Variants in COG3 observed in about 807,000 individuals in gnomAD.
The protein encoded by COG3 is conserved oligomeric Golgi complex subunit 3.
In COG3, 32 loss-of-function variants were observed where a neutral mutation model predicts 114.1. The observed-to-expected ratio is 0.28, with a 90% CI of 0.21 to 0.38. The LOEUF is 0.38. Among genes scored for constraint, COG3 ranks in the 10% least tolerant of loss-of-function variants. The pLI is 1.00. For missense variants in COG3, 813 were observed against 973.2 expected, an observed-to-expected ratio of 0.84 and a Z score of 2.19; for synonymous variants, 352 against 365.7, an observed-to-expected ratio of 0.96 and a Z score of 0.43.
chr13:45,491,511 C>A lies in COG3; in HGVS notation c.1068C>A (p.Ser356Arg). The A allele has an allele frequency of 6.2e-7, 1 of 1,612,956 alleles. No individual in the cohort carries two copies. Among genetic ancestry groups the A allele is most frequent in the Non-Finnish European group, 8.5e-7 (1 of 1,179,412 alleles). ...CTTGCACTGTTGCAGAGTTAACCAG[C>A]CAAAATAATAGAGATCACTGTGCCT... ...SIACTVAELT[S>R]QNNRDHCALV... The change falls in exon 10 of 23, where the codon AGC (serine) becomes AGA (arginine). Residue 356 changes from serine to arginine, a missense_variant. Physicochemically the swap from Ser to Arg is moderately radical, Grantham distance 110. Coordinates refer to ENST00000349995, the MANE Select transcript of COG3 (RefSeq NM_031431.4).
intron 20 of COG3, among the ~76,000 whole-genome samples, chr13:45,527,070 G>A (rs1872762016): frequency 6.6e-6 from 1 of 152,162 alleles, no homozygotes; most frequent in Admixed American, 6.5e-5. Context: ...GTAGAAACCA[G>A]TACAGCTAAG....
intron 20 of COG3, 51 bp from the exon 21 acceptor site, chr13:45,529,740 A>G: frequency 6.9e-7 from 1 of 1,440,426 alleles, no homozygotes; most frequent in Non-Finnish European, 9.5e-7. Flanking sequence ...TAAAATGGAA[A>G]TATTTCTTTT....
intron 19 of COG3, 110 bp from the exon 20 acceptor site, chr13:45,524,866 T>G: frequency 1.5e-6 from 1 of 655,446 alleles, no homozygotes; most frequent in Non-Finnish European, 2.6e-6. Context: ...TTTTAATAGG[T>G]TTAAATGGTG....
At chr13:45,467,771 A>C (rs1885239719) in intron 1 of COG3, among the ~76,000 whole-genome samples, 1 of 152,214 alleles carries the variant, frequency 6.6e-6, no homozygotes. Flanking sequence ...TAACATTGGC[A>C]GCAAAAGAGA....
chr13:45,508,068 T>TAAAA (rs10571583), intron 14 of COG3, among the ~76,000 whole-genome samples: 1,548 of 32,352 alleles, frequency 0.048, 151 homozygotes, highest in South Asian at 0.08. Flanking sequence ...AGGTCCAACC[T>TAAAA]AAAAAAAAAA....
At chr13:45,505,556 T>A (rs1193417477) in intron 14 of COG3, among the ~76,000 whole-genome samples, 1 of 152,080 alleles carries the variant, frequency 6.6e-6, no homozygotes, top group Non-Finnish European at 1.5e-5. Flanking sequence ...CTGCCTGCCT[T>A]GGCCTCCTAA....
At chr13:45,507,728 G>T (rs1454319609) in intron 14 of COG3, among the ~76,000 whole-genome samples, 3 of 145,582 alleles carry the variant, frequency 2.1e-5, no homozygotes, top group African/African-American at 7.7e-5. Flanking sequence ...TTGTGCCACT[G>T]TACTCCAGCC....
chr13:45,468,719 CT>C (rs1190397912), intron 1 of COG3, among the ~76,000 whole-genome samples: 1 of 152,230 alleles, frequency 6.6e-6, no homozygotes, highest in African/African-American at 2.4e-5. Flanking sequence ...ATGTTAGTGT[CT>C]CCATTTGCAT....
chr13:45,495,787 A>G (rs1593707515), intron 12 of COG3, among the ~76,000 whole-genome samples: 1 of 152,164 alleles, frequency 6.6e-6, no homozygotes, highest in Admixed American at 6.5e-5. Flanking sequence ...GTGGTACTCA[A>G]TTTATTTGTA....
At chr13:45,506,165 C>T (rs555669817) in intron 14 of COG3, among the ~76,000 whole-genome samples, 4 of 152,136 alleles carry the variant, frequency 2.6e-5, no homozygotes, top group African/African-American at 9.6e-5. Flanking sequence ...GAGAGAAAGA[C>T]TGATTTAGAA....
At chr13:45,525,852 G>T (rs1268098861) in intron 20 of COG3, among the ~76,000 whole-genome samples, 2 of 151,376 alleles carry the variant, frequency 1.3e-5, no homozygotes, top group African/African-American at 4.8e-5. Context: ...TTTTAATTAT[G>T]GGTAAGCTGT....
intron 20 of COG3, among the ~76,000 whole-genome samples, chr13:45,526,317 C>T (rs936580251): frequency 4.6e-5 from 7 of 151,680 alleles, no homozygotes; most frequent in Non-Finnish European, 1.0e-4. Context: ...AACTCCTGAC[C>T]TCAGGCGATC....
In COG3 at chr13:45,535,399, G is replaced by T. The variant is rs771842254; in HGVS notation, c.*668G>T. 1.1e-4 allele frequency: 109 copies of T among 985,288 alleles called. No homozygotes were observed. The highest frequency in any genetic ancestry group is 1.3e-4 in the Non-Finnish European group (107 of 829,942). The allele number at this position is 985,288 out of a possible 1,614,324, so 61.0% of individuals were successfully genotyped here. On this transcript the variant is annotated 3_prime_UTR_variant, in exon 23 of 23. Transcript: ENST00000349995. Reference sequence around the variant, plus strand: ...TTGCTTAGGTGCAGACAGTTCTAAAGCAAGGAGCTGCAGCATTCTCATCAT... The same window carrying T: ...TTGCTTAGGTGCAGACAGTTCTAAATCAAGGAGCTGCAGCATTCTCATCAT...
intron 15 of COG3, among the ~76,000 whole-genome samples, chr13:45,510,510 G>T (rs1870742137): frequency 6.6e-6 from 1 of 152,162 alleles, no homozygotes; most frequent in Admixed American, 6.5e-5. Context: ...ATGATATTAG[G>T]CTGAGATTCA....
chr13:45,516,215 A>G lies in COG3; in HGVS notation c.1882A>G (p.Thr628Ala). 6.2e-7 allele frequency: 1 copy of G among 1,602,784 alleles called. No homozygotes were observed. Among genetic ancestry groups the G allele is most frequent in the East Asian group, 2.2e-5 (1 of 44,684 alleles). ...ILREQIAPFHTEFTIKEISLD... is the reference protein window; with the variant it reads ...ILREQIAPFHAEFTIKEISLD... Reference sequence around the variant, plus strand: ...TCGTGAACAAATTGCTCCATTTCACACTGAATTCACCATTAAGGAAATTTC... The same window carrying G: ...TCGTGAACAAATTGCTCCATTTCACGCTGAATTCACCATTAAGGAAATTTC... The change falls in exon 17 of 23, where the codon ACT (threonine) becomes GCT (alanine). Residue 628 changes from threonine to alanine, a missense_variant. Around this residue, in one of 2 missense-constraint regions of COG3, gnomAD observed 389 missense variants for 542.6 expected, o/e 0.72. Coordinates refer to ENST00000349995, the MANE Select transcript of COG3 (RefSeq NM_031431.4).
At chr13:45,506,321 G>A (rs564152070) in intron 14 of COG3, among the ~76,000 whole-genome samples, 1 of 152,170 alleles carries the variant, frequency 6.6e-6, no homozygotes, top group African/African-American at 2.4e-5. Flanking sequence ...AGTAAACTAA[G>A]CCCACCAAGA....
At chr13:45,516,085 T>G in intron 16 of COG3, 58 bp from the exon 17 acceptor site, 1 of 1,318,836 alleles carries the variant, frequency 7.6e-7, no homozygotes, top group Non-Finnish European at 1.0e-6. Context: ...GTATGCTGTA[T>G]ATGCTTTTAT....
At chr13:45,491,711 A>G (rs1593701844) in intron 10 of COG3, among the ~76,000 whole-genome samples, 173 bp downstream of exon 10, 1 of 152,208 alleles carries the variant, frequency 6.6e-6, no homozygotes, top group South Asian at 2.1e-4. Flanking sequence ...TTTGCAAAAT[A>G]TTCTCATTTT....
At chr13:45,486,280 G>A (rs1387762139) in intron 7 of COG3, among the ~76,000 whole-genome samples, 2 of 139,624 alleles carry the variant, frequency 1.4e-5, no homozygotes, top group Non-Finnish European at 3.0e-5. Flanking sequence ...CGGCATGAGA[G>A]GGAGACCATC....
Sources: gnomAD v4.1 joint callset for allele counts (sites outside exome capture counted in the v4.1 genomes callset) on GRCh38, gnomAD v4.1.1 for gene constraint, gnomAD v4.1.1 regional missense constraint, MANE v1.5 for transcripts, NCBI Gene and HGNC (gene_info 2026-07-23, HGNC 2026-07-21) for gene names.